The following DENND1A variants were observed in gnomAD, a reference collection of about 807,000 sequenced individuals.
The protein encoded by DENND1A is DENN domain containing 1A, also known as DENN domain-containing protein 1A.
DENND1A carries 51 observed loss-of-function variants against 113.7 expected under a neutral mutation model. That is an observed-to-expected ratio of 0.45 (90% CI 0.36 to 0.57). The LOEUF (loss-of-function observed/expected upper bound fraction) is 0.57, where lower values mean the gene tolerates loss of function less well. Among genes scored for constraint, DENND1A ranks in the 20% least tolerant of loss-of-function variants. The pLI, the probability that DENND1A is intolerant of heterozygous loss-of-function variation, is 0.00. For synonymous variants in DENND1A, 565 were observed against 570.8 expected, an observed-to-expected ratio of 0.99 and a Z score of 0.14; for missense variants, 1,258 against 1,395.9, an observed-to-expected ratio of 0.90 and a Z score of 1.57.
At chr9:123,850,388 T>C (rs76692623) in intron 2 of DENND1A, among the ~76,000 whole-genome samples, 5,675 of 152,308 alleles carry the variant, frequency 0.037, 108 homozygotes, top group Middle Eastern at 0.048. Flanking sequence ...TAAAATATTT[T>C]TAAATCATGA....
chr9:123,911,611 G>A (rs906852299), intron 1 of DENND1A, among the ~76,000 whole-genome samples: 1 of 152,148 alleles, frequency 6.6e-6, no homozygotes, highest in Admixed American at 6.5e-5. Context: ...ACACCCATGA[G>A]CATATACTGC....
In DENND1A at chr9:123,381,097, C is replaced by A; in HGVS notation, c.*335G>T. 1 of 307,952 alleles carries A rather than the reference C, an allele frequency of 3.2e-6. No individual in the cohort carries two copies. 19.1% of individuals were successfully genotyped at this position (307,952 alleles called of 1,614,324 possible). ...CCTTCGGAGCCTCTTGGGACACTTC[C>A]GGGGGAAGGTGGGTAGGACTCGGTC... is the stretch of plus-strand genomic sequence containing the variant. On this transcript the variant is annotated 3_prime_UTR_variant, in exon 24 of 24. Coordinates refer to ENST00000394215, the MANE Select transcript of DENND1A (RefSeq NM_001352964.2). This position sits in a 1 kb window ranked among gnomAD's most constrained non-coding sequence, Gnocchi z 4.7.
chr9:123,874,036 C>T (rs928467594), intron 2 of DENND1A, among the ~76,000 whole-genome samples: 3 of 152,008 alleles, frequency 2.0e-5, no homozygotes, highest in Non-Finnish European at 2.9e-5. Context: ...CCACTGCACC[C>T]GGCCCTATCT....
rs188746508 is a variant in DENND1A, at chr9:123,914,298, G to A, written c.17+15591C>T. Among the ~76,000 whole-genome samples the A allele has an allele frequency of 1.5e-4, 23 of 152,042 alleles. 1 individual carries two copies. In the East Asian group the frequency reaches 4.4e-3, roughly 29 times the overall value. On this transcript the variant is annotated intron_variant, in intron 1 of 23. Transcript: ENST00000394215. Reference sequence around the variant, plus strand: ...TCACCCCTGTAATCCCAGCACTTTGGGAGGCCGAGGTGGGTGGATCACGAG... The same window carrying A: ...TCACCCCTGTAATCCCAGCACTTTGAGAGGCCGAGGTGGGTGGATCACGAG...
chr9:123,389,316 G>A (rs2042724943), intron 21 of DENND1A, among the ~76,000 whole-genome samples: 1 of 152,262 alleles, frequency 6.6e-6, no homozygotes, highest in Non-Finnish European at 1.5e-5. Context: ...GGGGAAGCCA[G>A]TAGCCCAGGG....
At chr9:123,880,325 T>A (rs993599177) in intron 1 of DENND1A, among the ~76,000 whole-genome samples, 1 of 152,160 alleles carries the variant, frequency 6.6e-6, no homozygotes, top group African/African-American at 2.4e-5. Context: ...TTTTAAAAGA[T>A]CACAGAACAG....
chr9:123,483,358 C>T (rs1052978978), intron 13 of DENND1A, among the ~76,000 whole-genome samples: 3 of 152,218 alleles, frequency 2.0e-5, no homozygotes, highest in Non-Finnish European at 2.9e-5. Context: ...GGGGCCATGC[C>T]GCCGCTGCTG....
At chr9:123,502,983 C>T (rs2134282048) in intron 13 of DENND1A, among the ~76,000 whole-genome samples, 1 of 152,318 alleles carries the variant, frequency 6.6e-6, no homozygotes, top group South Asian at 2.1e-4. Context: ...TAGCCGTGAC[C>T]ATGGCTGCTA....
Position 123,410,092 on chromosome 9 carries a change from AAAAC to A in DENND1A, c.1542+1680_1542+1683del, listed in dbSNP as rs141130048. 4.5e-3 allele frequency among the ~76,000 whole-genome samples: 689 copies of A among 152,268 alleles called. 8 individuals carry two copies. The highest frequency in any genetic ancestry group is 0.031 in the Middle Eastern group (9 of 294). ...GAATGACAGAGTAAGACTCCATCTC[AAAAC>A]AAACAAACAAACAAAAAAAAACTCT... On this transcript the variant is annotated intron_variant, in intron 20 of 23. Coordinates refer to ENST00000394215, the MANE Select transcript of DENND1A (RefSeq NM_001352964.2).
At chr9:123,420,115 AAG>A (rs2045126108) in intron 19 of DENND1A, among the ~76,000 whole-genome samples, 1 of 152,210 alleles carries the variant, frequency 6.6e-6, no homozygotes, top group Non-Finnish European at 1.5e-5. Context: ...CACGCTGAGG[AAG>A]AGGTTTCCAC....
At chr9:123,852,152 T>C (rs577090217) in intron 2 of DENND1A, among the ~76,000 whole-genome samples, 4 of 152,272 alleles carry the variant, frequency 2.6e-5, no homozygotes, top group Non-Finnish European at 5.9e-5. Context: ...GTGGTGGTGG[T>C]AGGGACGGGG....
intron 1 of DENND1A, among the ~76,000 whole-genome samples, chr9:123,918,313 C>G (rs918399149): frequency 2.0e-5 from 3 of 150,490 alleles, no homozygotes; most frequent in Admixed American, 2.0e-4. Flanking sequence ...ACGGTGAAAC[C>G]CCATCTCTAC....
intron 18 of DENND1A, among the ~76,000 whole-genome samples, chr9:123,444,741 T>G (rs867944261): frequency 1.2e-4 from 18 of 152,186 alleles, no homozygotes; most frequent in African/African-American, 3.9e-4. Context: ...GGTTATAAAA[T>G]GAGATTATTT....
At chr9:123,812,588 T>C (rs1836802365) in intron 2 of DENND1A, among the ~76,000 whole-genome samples, 1 of 152,164 alleles carries the variant, frequency 6.6e-6, no homozygotes, top group South Asian at 2.1e-4. Flanking sequence ...GTTTTTGCCC[T>C]TCCACATTCT....
At chr9:123,415,381 G>T (rs2131622301) in intron 19 of DENND1A, among the ~76,000 whole-genome samples, 1 of 152,310 alleles carries the variant, frequency 6.6e-6, no homozygotes, top group Admixed American at 6.5e-5. Flanking sequence ...TGGCCGCCAG[G>T]AAGAGAAAGG....
chr9:123,429,030 G>C (rs1295739003), intron 19 of DENND1A, among the ~76,000 whole-genome samples: 2 of 152,256 alleles, frequency 1.3e-5, no homozygotes, highest in African/African-American at 4.8e-5. Context: ...CACAGCATTA[G>C]AAAAAACTAT....
intron 13 of DENND1A, among the ~76,000 whole-genome samples, chr9:123,498,972 C>A (rs1437497705): frequency 6.6e-6 from 1 of 151,882 alleles, no homozygotes; most frequent in East Asian, 1.9e-4. Flanking sequence ...ATCTGCCCAC[C>A]TTGGCCTCCT....
At chr9:123,660,740 A>C (rs562095412) in intron 8 of DENND1A, among the ~76,000 whole-genome samples, 2 of 152,350 alleles carry the variant, frequency 1.3e-5, no homozygotes, top group South Asian at 4.1e-4. Flanking sequence ...AAAAAGTCAA[A>C]GTAAAAGAAT....
At chr9:123,577,234 G>A (rs2058681079) in intron 12 of DENND1A, among the ~76,000 whole-genome samples, 1 of 151,954 alleles carries the variant, frequency 6.6e-6, no homozygotes, top group Admixed American at 6.5e-5. Context: ...ATTCACTGAT[G>A]TTTTATTCAG....
Sources: allele counts gnomAD v4.1 joint callset (sites outside exome capture counted in the v4.1 genomes callset), GRCh38; gene constraint gnomAD v4.1.1; non-coding constraint Gnocchi (gnomAD v3.1); transcripts MANE v1.5; gene names NCBI Gene and HGNC (gene_info 2026-07-23, HGNC 2026-07-21).